Variants in GLYR1 observed in about 807,000 individuals in gnomAD.
The protein encoded by GLYR1 is cytokine-like nuclear factor N-PAC.
GLYR1 carries 21 observed loss-of-function variants against 72.7 expected under a neutral mutation model. The ratio of observed to expected loss-of-function variants is 0.29; its 90% CI spans 0.20 to 0.42. The LOEUF is 0.42. Ranked by LOEUF, GLYR1 falls within the 10% of genes least tolerant of loss-of-function variation. The probability of loss-of-function intolerance (pLI) is 1.00; values close to 1 mark genes in which losing one functional copy is unlikely to be tolerated. For missense variants in GLYR1, 594 were observed against 712.1 expected (o/e 0.83, Z 1.89); for synonymous variants, 392 against 270.2 (o/e 1.45, Z -4.42).
Position 4,811,565 on chromosome 16 carries a change from C to A in GLYR1, c.1462+58G>T, listed in dbSNP as rs919531392. ...CTTTCACGCTCACTAAATCCCTGAC[C>A]TAGTACCCTGCTCTAATCAAACACC... On this transcript the variant is annotated intron_variant, in intron 14 of 15. Transcript: ENST00000321919. The A allele has an allele frequency of 3.1e-6, 5 of 1,590,840 alleles. No individual in the cohort carries two copies. The Admixed American group carries it at 8.4e-5, about 27-fold the overall frequency.
chr16:4,828,492 G>A (rs1325413373), intron 5 of GLYR1, among the ~76,000 whole-genome samples: 8 of 152,178 alleles, frequency 5.3e-5, no homozygotes, highest in East Asian at 1.9e-4. Context: ...ATCTGGAATC[G>A]AACCTGCAGT....
At chr16:4,814,701 C>T in intron 10 of GLYR1, 54 bp from the exon 11 acceptor site, 2 of 1,353,846 alleles carry the variant, frequency 1.5e-6, no homozygotes. Context: ...AACAAACATG[C>T]CAGCCAGGCC....
rs144226364 is a variant in GLYR1 at position 4,805,638 on chromosome 16, C to G, written c.1588-328G>C. ...GGTGGATCACCTGAAGTCAGGAGTT[C>G]GAGACCAGCCAGGCCAAAAAGGTGA... On this transcript the variant is annotated intron_variant, in intron 15 of 15. Transcript: ENST00000321919. Among the ~76,000 whole-genome samples the G allele has an allele frequency of 3.6e-3, 552 of 152,240 alleles. 5 individuals carry two copies. Among genetic ancestry groups the G allele is most frequent in the African/African-American group, 0.012 (519 of 41,544 alleles).
chr16:4,832,178 G>A lies in GLYR1; in HGVS notation c.338C>T (p.Ser113Phe). The A allele has an allele frequency of 6.2e-7, 1 of 1,614,032 alleles. No homozygotes were observed. The highest frequency in any genetic ancestry group is 8.5e-7 in the Non-Finnish European group (1 of 1,179,978). ...NSSDDKNRRNSSEERSRPNSG... is the reference protein window; with the variant it reads ...NSSDDKNRRNFSEERSRPNSG... ...GTTTGGCCTACTTCTCTCCTCACTG[G>A]AATTACGTCGATTCTTGTCATCAGA... Residue 113 changes from serine to phenylalanine, a missense_variant, in exon 5 of 16, where the codon TCC becomes TTC. Ser to Phe is a radical substitution (Grantham distance 155, BLOSUM62 -2). This residue lies in a region of GLYR1 where 252 missense variants were observed against 211.3 expected (regional missense o/e 1.19). Coordinates refer to ENST00000321919, the MANE Select transcript of GLYR1 (RefSeq NM_032569.4).
intron 5 of GLYR1, among the ~76,000 whole-genome samples, chr16:4,824,641 C>G (rs1317803422): frequency 6.6e-6 from 1 of 152,084 alleles, no homozygotes; most frequent in African/African-American, 2.4e-5. Flanking sequence ...CAGAATTAAA[C>G]TCCAGGGTGG....
chr16:4,817,220 T>TGCC (rs1269962081), intron 10 of GLYR1, among the ~76,000 whole-genome samples: 6 of 151,512 alleles, frequency 4.0e-5, no homozygotes, highest in African/African-American at 1.5e-4. Context: ...CCCGGGTTCA[T>TGCC]GCCATTCTCC....
intron 12 of GLYR1, 55 bp from the exon 13 acceptor site, chr16:4,812,303 G>C: frequency 6.4e-7 from 1 of 1,568,100 alleles, no homozygotes; most frequent in Non-Finnish European, 8.6e-7. Context: ...CGCTCTCTGG[G>C]CAGGACTCAA....
chr16:4,846,084 C>G, intron 2 of GLYR1, 90 bp downstream of exon 2: 4 of 1,416,940 alleles, frequency 2.8e-6, no homozygotes, highest in Non-Finnish European at 3.0e-6. Flanking sequence ...CAATTTAACT[C>G]AATACTAGAA....
At chr16:4,807,973 T>C (rs967097967) in intron 15 of GLYR1, among the ~76,000 whole-genome samples, 1 of 152,122 alleles carries the variant, frequency 6.6e-6, no homozygotes, top group African/African-American at 2.4e-5. Flanking sequence ...CGGTGGCTCA[T>C]GCCTGTAATC....
chr16:4,824,350 T>C (rs903381387), intron 5 of GLYR1, among the ~76,000 whole-genome samples: 4 of 151,358 alleles, frequency 2.6e-5, no homozygotes, highest in Admixed American at 6.6e-5. Context: ...CCGTCTCTAC[T>C]AAAAAATACA....
At position 4,823,894 on chromosome 16, in the gene GLYR1, G is replaced by A. The variant is rs779604413; in HGVS notation, c.551C>T (p.Pro184Leu). Residue 184 changes from proline to leucine, a missense_variant, in exon 6 of 16, where the codon CCG becomes CTG. By Grantham distance (98) the Pro-to-Leu change is moderately conservative (BLOSUM62 -3). Around this residue, in one of 5 missense-constraint regions of GLYR1, gnomAD observed 252 missense variants for 211.3 expected, o/e 1.19. Transcript: ENST00000321919. Reference protein sequence around the residue: ...PPKDEKDLTIPESSTVKGMMA... With the variant: ...PPKDEKDLTILESSTVKGMMA... ...CATCCCCTTCACGGTACTAGACTCC[G>A]GGATGGTGAGATCCTATAGAGGGAG... The A allele has an allele frequency of 1.5e-5, 24 of 1,613,852 alleles. 1 individual carries two copies. Among genetic ancestry groups the A allele is most frequent in the South Asian group, 3.3e-5 (3 of 91,078 alleles).
intron 5 of GLYR1, among the ~76,000 whole-genome samples, chr16:4,826,484 A>G (rs1275324805): frequency 1.3e-5 from 2 of 152,080 alleles, no homozygotes; most frequent in Non-Finnish European, 2.9e-5. Context: ...AGTCTGGCCT[A>G]CTCTACAACC....
chr16:4,833,670 T>C (rs1022498837), intron 3 of GLYR1, among the ~76,000 whole-genome samples: 2 of 150,726 alleles, frequency 1.3e-5, no homozygotes, highest in Non-Finnish European at 3.0e-5. Context: ...AGAAACAAGA[T>C]GCTTGAGATT....
At chr16:4,839,391 C>G (rs1363219901) in intron 3 of GLYR1, 2 of 152,190 alleles carry the variant, frequency 1.3e-5, no homozygotes, top group Non-Finnish European at 2.9e-5. Context: ...TCACGCCTGG[C>G]CCCGATGAAA....
At chr16:4,840,526 C>G (rs2085470948) in intron 3 of GLYR1, among the ~76,000 whole-genome samples, 1 of 152,106 alleles carries the variant, frequency 6.6e-6, no homozygotes, top group South Asian at 2.1e-4. Context: ...CCTTTCTTTT[C>G]AAACAAACAC....
intron 7 of GLYR1, 151 bp from the exon 8 acceptor site, chr16:4,821,748 T>G (rs1420331812): frequency 2.9e-6 from 2 of 686,452 alleles, no homozygotes; most frequent in African/African-American, 3.6e-5. Context: ...CACTAGAAAG[T>G]TCATACACAT....
chr16:4,810,504 T>G (rs1008994981), intron 15 of GLYR1, among the ~76,000 whole-genome samples: 1 of 149,678 alleles, frequency 6.7e-6, no homozygotes, highest in Non-Finnish European at 1.5e-5. Context: ...AGTGAGACTC[T>G]GTCTCAAAAA....
At chr16:4,824,527 A>T (rs1374406034) in intron 5 of GLYR1, among the ~76,000 whole-genome samples, 1 of 151,896 alleles carries the variant, frequency 6.6e-6, no homozygotes, top group African/African-American at 2.4e-5. Flanking sequence ...AAAAAAAAGA[A>T]ACAGTAGTGG....
chr16:4,838,526 C>T (rs969604012), intron 3 of GLYR1, among the ~76,000 whole-genome samples: 7 of 152,112 alleles, frequency 4.6e-5, no homozygotes, highest in Non-Finnish European at 7.3e-5. Flanking sequence ...GGCTTCTAAG[C>T]ACCTGTAATT....
Sources: gnomAD v4.1 joint callset for allele counts (sites outside exome capture counted in the v4.1 genomes callset) on GRCh38, gnomAD v4.1.1 for gene constraint, gnomAD v4.1.1 regional missense constraint, MANE v1.5 for transcripts, NCBI Gene and HGNC (gene_info 2026-07-23, HGNC 2026-07-21) for gene names.